The following ASAP1 variants were observed in gnomAD, a reference collection of about 807,000 sequenced individuals.
ASAP1 encodes the protein ArfGAP with SH3 domain, ankyrin repeat and PH domain 1.
Under a neutral mutation model 145.2 loss-of-function variants are expected in ASAP1, and 43 were observed. That is an observed-to-expected ratio of 0.30 (90% CI 0.23 to 0.38). The LOEUF (loss-of-function observed/expected upper bound fraction) is 0.38, where lower values mean the gene tolerates loss of function less well. ASAP1 is among the 10% of genes least tolerant of loss of function. ASAP1 has a pLI of 1.00. For synonymous variants in ASAP1, 546 were observed against 515.5 expected (o/e 1.06, Z -0.80); for missense variants, 1,018 against 1,355.3 (o/e 0.75, Z 3.91).
chr8:130,328,305 A>T lies in ASAP1; in HGVS notation c.186+29712T>A, dbSNP rs533878661. Among the ~76,000 whole-genome samples the T allele has an allele frequency of 5.9e-5, 9 of 152,352 alleles. No individual in the cohort carries two copies. The South Asian group carries it at 1.9e-3, about 32-fold the overall frequency. ...CCAAGAGACCAAAGACTATGCTCTTAACCACTGTGACAAATAATACAGTAG... is the reference window on the plus strand; with the variant it reads ...CCAAGAGACCAAAGACTATGCTCTTTACCACTGTGACAAATAATACAGTAG... On this transcript the variant is annotated intron_variant, in intron 3 of 29. Transcript: ENST00000518721.
At chr8:130,302,824 G>GAGAAAACT (rs1448789120) in intron 3 of ASAP1, among the ~76,000 whole-genome samples, 1 of 152,212 alleles carries the variant, frequency 6.6e-6, no homozygotes, top group Non-Finnish European at 1.5e-5. Flanking sequence ...CTTCTAAGGG[G>GAGAAAACT]AGAAAACTAT....
intron 24 of ASAP1, among the ~76,000 whole-genome samples, chr8:130,109,435 C>T (rs78736220): frequency 0.016 from 2,467 of 152,136 alleles, 69 homozygotes; most frequent in African/African-American, 0.056. Flanking sequence ...CTCCTCTTCG[C>T]TTTTGTGGGG....
intron 24 of ASAP1, among the ~76,000 whole-genome samples, chr8:130,111,276 G>T (rs1368935854): frequency 1.3e-5 from 2 of 149,152 alleles, no homozygotes; most frequent in African/African-American, 4.9e-5. Flanking sequence ...CCAGCTACTT[G>T]GAAGGCTGAG....
At chr8:130,260,416 C>T (rs1819823870) in intron 3 of ASAP1, among the ~76,000 whole-genome samples, 1 of 152,214 alleles carries the variant, frequency 6.6e-6, no homozygotes, top group African/African-American at 2.4e-5. Context: ...CTCATCCCAT[C>T]TTACTGACTA....
At chr8:130,126,852 T>C (rs1339926806) in intron 16 of ASAP1, among the ~76,000 whole-genome samples, 1 of 152,228 alleles carries the variant, frequency 6.6e-6, no homozygotes, top group Non-Finnish European at 1.5e-5. Flanking sequence ...AAAAAAGGTA[T>C]ATCACAGTGC....
At chr8:130,066,190 C>A (rs78271179) in intron 27 of ASAP1, among the ~76,000 whole-genome samples, 1 of 152,128 alleles carries the variant, frequency 6.6e-6, no homozygotes, top group Non-Finnish European at 1.5e-5. Flanking sequence ...TGCCCATATA[C>A]CAAATGTTAT....
intron 20 of ASAP1, 47 bp downstream of exon 20, chr8:130,118,114 T>C (rs1218175391): frequency 6.6e-7 from 1 of 1,526,214 alleles, no homozygotes; most frequent in African/African-American, 1.4e-5. Flanking sequence ...TTGTGTTAAT[T>C]TATAAGGCAT....
At chr8:130,276,728 A>ACTCTCTCTCTCTCTCTCTCTCTCTCTCT (rs10678909) in intron 3 of ASAP1, among the ~76,000 whole-genome samples, 2 of 87,272 alleles carry the variant, frequency 2.3e-5, no homozygotes, top group African/African-American at 4.4e-5. Context: ...ACACACACAC[A>ACTCTCTCTCTCTCTCTCTCTCTCTCTCT]CTCTCTCTCT....
intron 12 of ASAP1, among the ~76,000 whole-genome samples, chr8:130,158,506 G>C (rs1300465826): frequency 2.6e-5 from 4 of 152,032 alleles, no homozygotes; most frequent in Non-Finnish European, 5.9e-5. Flanking sequence ...ACAGAGCAAG[G>C]TCCTGTCCCC....
At chr8:130,406,926 G>A (rs1829057498) in intron 1 of ASAP1, among the ~76,000 whole-genome samples, 2 of 152,298 alleles carry the variant, frequency 1.3e-5, no homozygotes, top group East Asian at 3.9e-4. Flanking sequence ...TCCAGTCCGA[G>A]CTGAAATTCC....
At chr8:130,137,642 G>A (rs985016232) in intron 13 of ASAP1, among the ~76,000 whole-genome samples, 1 of 152,164 alleles carries the variant, frequency 6.6e-6, no homozygotes, top group Non-Finnish European at 1.5e-5. Context: ...TCTCTCAGAA[G>A]TACAATGACA....
intron 3 of ASAP1, among the ~76,000 whole-genome samples, chr8:130,309,464 T>C (rs1312428162): frequency 6.6e-6 from 1 of 152,158 alleles, no homozygotes; most frequent in African/African-American, 2.4e-5. Context: ...AGTAGATAGC[T>C]GGGCTGACAT....
intron 14 of ASAP1, among the ~76,000 whole-genome samples, chr8:130,135,490 C>CA (rs1405332286): frequency 6.7e-6 from 1 of 150,176 alleles, no homozygotes; most frequent in Non-Finnish European, 1.5e-5. Context: ...GCCTCAAAAA[C>CA]AAAAAACAAA....
chr8:130,202,307 C>T (rs1287682803), intron 5 of ASAP1, among the ~76,000 whole-genome samples: 1 of 152,176 alleles, frequency 6.6e-6, no homozygotes, highest in East Asian at 1.9e-4. Flanking sequence ...ACCAAAAGCA[C>T]AATGTTTTAA....
chr8:130,218,867 A>ATATG (rs1565101985), intron 4 of ASAP1, among the ~76,000 whole-genome samples: 2 of 149,540 alleles, frequency 1.3e-5, no homozygotes, highest in African/African-American at 2.4e-5. Flanking sequence ...ATATATATGC[A>ATATG]TATGTATGTA....
intron 1 of ASAP1, 121 bp downstream of exon 1, chr8:130,443,339 A>C (rs986501455): frequency 6.6e-6 from 1 of 151,438 alleles, no homozygotes; most frequent in African/African-American, 2.4e-5. Context: ...AGGAGCCGGG[A>C]GCCCGCCCCG....
At chr8:130,072,832 G>GTGTGT (rs61663506) in intron 27 of ASAP1, among the ~76,000 whole-genome samples, 6 of 11,744 alleles carry the variant, frequency 5.1e-4, no homozygotes, top group Admixed American at 1.4e-3. Context: ...TGTGCGCGCG[G>GTGTGT]GGGGGGGCAG....
intron 2 of ASAP1, among the ~76,000 whole-genome samples, chr8:130,372,926 A>G (rs1381875310): frequency 1.3e-5 from 2 of 152,070 alleles, no homozygotes; most frequent in African/African-American, 4.8e-5. Flanking sequence ...ACACATACAC[A>G]GACACACACG....
At chr8:130,107,548 A>ATGTATGTT in intron 24 of ASAP1, among the ~76,000 whole-genome samples, 1 of 110,950 alleles carries the variant, frequency 9.0e-6, no homozygotes. Context: ...GTATGTATGT[A>ATGTATGTT]TGTATGTATG....
Sources: gnomAD v4.1 joint callset for allele counts (sites outside exome capture counted in the v4.1 genomes callset) on GRCh38, gnomAD v4.1.1 for gene constraint, MANE v1.5 for transcripts, NCBI Gene and HGNC (gene_info 2026-07-23, HGNC 2026-07-21) for gene names.